CTNNA3: variants seen among roughly 807,000 people sequenced by gnomAD.
CTNNA3 encodes the protein catenin alpha-3.
In CTNNA3, 76 loss-of-function variants were observed where a neutral mutation model predicts 95.7. The ratio of observed to expected loss-of-function variants is 0.79; its 90% confidence interval spans 0.66 to 0.96. The LOEUF (loss-of-function observed/expected upper bound fraction) is 0.96. Among genes scored for constraint, CTNNA3 ranks in the 40% least tolerant of loss-of-function variants. The pLI is 0.00. For synonymous variants in CTNNA3, 431 were observed against 374.4 expected, an observed-to-expected ratio of 1.15 and a Z score of -1.74; for missense variants, 1,191 against 1,089.8, an observed-to-expected ratio of 1.09 and a Z score of -1.31.
intron 7 of CTNNA3, among the ~76,000 whole-genome samples, chr10:66,830,153 C>T (rs188240886): frequency 1.3e-5 from 2 of 152,268 alleles, no homozygotes; most frequent in East Asian, 1.9e-4. Context: ...TTATATTTCA[C>T]AGACCTCAAA....
At chr10:67,424,604 A>C (rs1845851764) in intron 5 of CTNNA3, among the ~76,000 whole-genome samples, 1 of 152,110 alleles carries the variant, frequency 6.6e-6, no homozygotes, top group Non-Finnish European at 1.5e-5. Flanking sequence ...ATTTTCCAAA[A>C]ACTTTCTTTT....
chr10:65,963,959 T>C (rs571435969), intron 17 of CTNNA3, among the ~76,000 whole-genome samples: 3 of 152,328 alleles, frequency 2.0e-5, no homozygotes, highest in African/African-American at 7.2e-5. Flanking sequence ...TAGAAATGCA[T>C]TCCGTTCACA....
chr10:66,703,092 T>C (rs1848007687), intron 9 of CTNNA3, among the ~76,000 whole-genome samples: 1 of 152,274 alleles, frequency 6.6e-6, no homozygotes, highest in Non-Finnish European at 1.5e-5. Flanking sequence ...TTTTTGTGTA[T>C]GTAAGGAGGT....
chr10:66,565,950 G>T (rs187881488), intron 10 of CTNNA3, among the ~76,000 whole-genome samples: 387 of 152,282 alleles, frequency 2.5e-3, no homozygotes, highest in African/African-American at 8.9e-3. Context: ...AAGAAAAAAA[G>T]GAAATGAGGT....
chr10:66,187,339 A>G (rs2086399246), intron 13 of CTNNA3, among the ~76,000 whole-genome samples: 1 of 151,528 alleles, frequency 6.6e-6, no homozygotes, highest in African/African-American at 2.4e-5. Context: ...GGCAACCACA[A>G]AAAAGGAAAA....
chr10:66,055,983 C>T (rs980997782), intron 15 of CTNNA3, among the ~76,000 whole-genome samples: 1 of 141,418 alleles, frequency 7.1e-6, no homozygotes, highest in Admixed American at 7.0e-5. Context: ...GATAATTTGA[C>T]TCATTTCTTT....
chr10:66,630,064 G>A (rs894448635), intron 9 of CTNNA3, among the ~76,000 whole-genome samples: 1 of 152,122 alleles, frequency 6.6e-6, no homozygotes, highest in Non-Finnish European at 1.5e-5. Flanking sequence ...ATTTATAAAA[G>A]CAGGGACCAC....
intron 7 of CTNNA3, among the ~76,000 whole-genome samples, chr10:67,115,171 G>C (rs1859110246): frequency 6.6e-6 from 1 of 152,164 alleles, no homozygotes; most frequent in Admixed American, 6.5e-5. Flanking sequence ...TATGCCTCAT[G>C]CAAAAGCCTC....
At chr10:67,256,970 TTAAA>T (rs368166588) in intron 5 of CTNNA3, among the ~76,000 whole-genome samples, 626 of 152,294 alleles carry the variant, frequency 4.1e-3, no homozygotes, top group Middle Eastern at 0.01. Flanking sequence ...ATGTCTTCCT[TTAAA>T]TAAAAAAATG....
At chr10:67,518,738 A>G (rs1267866966) in intron 5 of CTNNA3, among the ~76,000 whole-genome samples, 1 of 152,136 alleles carries the variant, frequency 6.6e-6, no homozygotes, top group African/African-American at 2.4e-5. Flanking sequence ...AGCTCTAAGG[A>G]AACCTCTTGA....
At chr10:66,367,877 AATAATTATTATTATTATTATTATTATT>A (rs1390300668) in intron 12 of CTNNA3, among the ~76,000 whole-genome samples, 2,807 of 46,634 alleles carry the variant, frequency 0.06, 56 homozygotes, top group Middle Eastern at 0.097. Flanking sequence ...TAATAATAAT[AATAATTATTATTATTATTATTATTATT>A]ATTATTATTA....
intron 5 of CTNNA3, among the ~76,000 whole-genome samples, chr10:67,326,297 GT>G (rs1360454888): frequency 2.0e-5 from 3 of 152,160 alleles, no homozygotes; most frequent in Admixed American, 6.5e-5. Flanking sequence ...TTGCAGACTT[GT>G]TTATGTAGTT....
At chr10:67,458,832 C>T (rs550768898) in intron 5 of CTNNA3, among the ~76,000 whole-genome samples, 1 of 152,282 alleles carries the variant, frequency 6.6e-6, no homozygotes, top group South Asian at 2.1e-4. Context: ...CACCAGGTTC[C>T]TCGCTTAACA....
intron 7 of CTNNA3, among the ~76,000 whole-genome samples, chr10:66,866,711 A>C (rs1451730373): frequency 6.6e-6 from 1 of 152,214 alleles, no homozygotes; most frequent in East Asian, 1.9e-4. Flanking sequence ...CCCATGGCAG[A>C]ACTGTTTAAA....
intron 13 of CTNNA3, among the ~76,000 whole-genome samples, chr10:66,129,445 A>C (rs1028300497): frequency 1.3e-5 from 2 of 152,114 alleles, no homozygotes; most frequent in African/African-American, 4.8e-5. Context: ...TGGAGCCCAG[A>C]GGGTTTGGTG....
Position 66,950,323 on chromosome 10 carries a change from C to T in CTNNA3, c.1048-174799G>A, listed in dbSNP as rs557078209. Among the ~76,000 whole-genome samples, 436 of 151,934 alleles carry T rather than the reference C, an allele frequency of 2.9e-3. 1 individual carries two copies. The highest frequency in any genetic ancestry group is 1.0e-2 in the African/African-American group (413 of 41,452). ...ATTTACTTATATCTATAATTATCTT[C>T]CTTTCAGGGAAATTTTACAGGGAGG... is the stretch of plus-strand genomic sequence containing the variant. On this transcript the variant is annotated intron_variant, in intron 7 of 17. Transcript: ENST00000433211.
intron 7 of CTNNA3, among the ~76,000 whole-genome samples, chr10:66,811,812 TCTG>T (rs1189243018): frequency 6.6e-6 from 1 of 152,204 alleles, no homozygotes; most frequent in Non-Finnish European, 1.5e-5. Context: ...AAATTGAAAC[TCTG>T]CTACTAGCAG....
chr10:66,995,603 T>C (rs1431949760), intron 7 of CTNNA3, among the ~76,000 whole-genome samples: 1 of 152,232 alleles, frequency 6.6e-6, no homozygotes, highest in Non-Finnish European at 1.5e-5. Context: ...TCCCTGGCTC[T>C]TGTCTACATC....
At chr10:66,900,966 G>A (rs1462029569) in intron 7 of CTNNA3, among the ~76,000 whole-genome samples, 1 of 152,160 alleles carries the variant, frequency 6.6e-6, no homozygotes, top group Non-Finnish European at 1.5e-5. Flanking sequence ...AGGATATTAT[G>A]CAGGAGAACT....
Sources: gnomAD v4.1 joint callset for allele counts (sites outside exome capture counted in the v4.1 genomes callset) on GRCh38, gnomAD v4.1.1 for gene constraint, MANE v1.5 for transcripts, NCBI Gene and HGNC (gene_info 2026-07-23, HGNC 2026-07-21) for gene names.